The following ATP6V1H variants were observed in gnomAD, a reference collection of about 807,000 sequenced individuals.
ATP6V1H encodes V-type proton ATPase subunit H.
ATP6V1H carries 39 observed loss-of-function variants against 71.7 expected under a neutral mutation model. The ratio of observed to expected loss-of-function variants is 0.54; its 90% CI spans 0.42 to 0.71. The LOEUF (loss-of-function observed/expected upper bound fraction) is 0.71, where lower values mean the gene tolerates loss of function less well. Among genes scored for constraint, ATP6V1H ranks in the 30% least tolerant of loss-of-function variants. ATP6V1H has a pLI of 0.00. For synonymous variants in ATP6V1H, 192 were observed against 199.3 expected (o/e 0.96, Z 0.31); for missense variants, 509 against 594.9 (o/e 0.86, Z 1.50).
At chr8:53,728,343 T>C (rs1806889859) in intron 13 of ATP6V1H, among the ~76,000 whole-genome samples, 1 of 152,140 alleles carries the variant, frequency 6.6e-6, no homozygotes, top group African/African-American at 2.4e-5. Flanking sequence ...GACTCAGCTG[T>C]GCTGAGTGTG....
At chr8:53,770,700 T>C (rs1808623590) in intron 10 of ATP6V1H, among the ~76,000 whole-genome samples, 1 of 152,204 alleles carries the variant, frequency 6.6e-6, no homozygotes, top group South Asian at 2.1e-4. Flanking sequence ...AAATAGTATT[T>C]TTCAAATTAC....
chr8:53,733,497 C>T (rs1032053394), intron 13 of ATP6V1H, among the ~76,000 whole-genome samples: 1 of 152,238 alleles, frequency 6.6e-6, no homozygotes, highest in Non-Finnish European at 1.5e-5. Context: ...AACAGATGGC[C>T]TGCTCCGGCA....
rs200288766 is a variant in ATP6V1H, at chr8:53,763,600, C to A, written c.1175+6018G>T. On this transcript the variant is annotated intron_variant, in intron 11 of 13. Transcript: ENST00000359530. Reference sequence around the variant, plus strand: ...AAATTCATATAAAATGTTAAGGGACCCAGATAGCCAAAATCATCTTGGAAA... The same window carrying A: ...AAATTCATATAAAATGTTAAGGGACACAGATAGCCAAAATCATCTTGGAAA... Among the ~76,000 whole-genome samples, 13 of 152,126 alleles carry A rather than the reference C, an allele frequency of 8.5e-5. No individual in the cohort carries two copies. In the East Asian group the frequency reaches 2.3e-3, roughly 27 times the overall value.
In ATP6V1H at chr8:53,794,385, A is replaced by C. The variant is rs572451287; in HGVS notation, c.870+1262T>G. On this transcript the variant is annotated intron_variant, in intron 9 of 13. Coordinates refer to ENST00000359530, the MANE Select transcript of ATP6V1H (RefSeq NM_015941.4). ...TTTTCATTTTACTTTATTTTTTTTG[A>C]TATGGAGTCTCACTCTGTCGCCCAG... Among the ~76,000 whole-genome samples the C allele has an allele frequency of 1.9e-3, 288 of 152,054 alleles. 1 individual carries two copies. Among genetic ancestry groups the C allele is most frequent in the Middle Eastern group, 3.4e-3 (1 of 294 alleles).
rs574149619 is a variant in ATP6V1H at position 53,772,941 on chromosome 8, C to T, written c.871-774G>A. ...AAAAAAACAAAACAGTAACAATTAA[C>T]TCCAATTGTAAAAAAACTTGAATTT... On this transcript the variant is annotated intron_variant, in intron 9 of 13. Transcript: ENST00000359530. 6.9e-5 allele frequency among the ~76,000 whole-genome samples: 9 copies of T among 129,988 alleles called. No homozygotes were observed. The East Asian group carries it at 1.7e-3, about 25-fold the overall frequency. The allele number at this position is 129,988 out of a possible 152,430, so 85.3% of individuals were successfully genotyped here. A position where few individuals can be genotyped will look rare whatever the true frequency, so the allele number is the denominator to read the frequency against.
At chr8:53,840,532 A>G (rs1241718139) in intron 2 of ATP6V1H, among the ~76,000 whole-genome samples, 2 of 152,042 alleles carry the variant, frequency 1.3e-5, no homozygotes, top group East Asian at 3.9e-4. Context: ...AAAATGATCT[A>G]TTAATACATC....
At chr8:53,797,666 C>T (rs1413670729) in intron 8 of ATP6V1H, among the ~76,000 whole-genome samples, 2 of 152,046 alleles carry the variant, frequency 1.3e-5, no homozygotes, top group African/African-American at 4.8e-5. Context: ...CACTCACTAC[C>T]TTTCTGACAC....
intron 9 of ATP6V1H, among the ~76,000 whole-genome samples, chr8:53,773,211 A>G (rs1027822559): frequency 6.6e-6 from 1 of 152,246 alleles, no homozygotes; most frequent in Non-Finnish European, 1.5e-5. Context: ...CTCAGTGCTT[A>G]CATCTATAGA....
At chr8:53,736,870 C>G (rs560585035) in intron 13 of ATP6V1H, among the ~76,000 whole-genome samples, 88 of 152,336 alleles carry the variant, frequency 5.8e-4, no homozygotes, top group African/African-American at 2.0e-3. Flanking sequence ...AATAGTCAGA[C>G]AGCCCAGCGC....
intron 1 of ATP6V1H, chr8:53,842,458 A>C (rs1811374334): frequency 6.6e-6 from 1 of 152,268 alleles, no homozygotes; most frequent in African/African-American, 2.4e-5. Context: ...TGCCACTTGC[A>C]AAACATAAAT....
At position 53,777,750 on chromosome 8, in the gene ATP6V1H, T is replaced by C. The variant is rs568598539; in HGVS notation, c.871-5583A>G. ...CCATAAACAAATGAGCAAAGCAGTG[T>C]TCCAATAAAGCTTTATTGATTAAAA... On this transcript the variant is annotated intron_variant, in intron 9 of 13. Coordinates refer to ENST00000359530, the MANE Select transcript of ATP6V1H (RefSeq NM_015941.4). Among the ~76,000 whole-genome samples, 4 of 152,318 alleles carry C rather than the reference T, an allele frequency of 2.6e-5. No individual in the cohort carries two copies. In the South Asian group the frequency reaches 8.3e-4, roughly 32 times the overall value.
In ATP6V1H at chr8:53,801,905, G is replaced by A. The variant is rs1254535653; in HGVS notation, c.580-9C>T. The A allele has an allele frequency of 6.2e-7, 1 of 1,610,040 alleles. No individual in the cohort carries two copies. The highest frequency in any genetic ancestry group is 1.1e-5 in the South Asian group (1 of 90,030). On this transcript the variant is annotated splice_polypyrimidine_tract_variant and intron_variant, in intron 7 of 13. Transcript: ENST00000359530. ...TGCACATACTGCGAACTCTGCACAA[G>A]AAGAAGTGTTGAGTTTTTAAATGGG...
chr8:53,833,283 G>C (rs1202538529), intron 2 of ATP6V1H, 197 bp from the exon 3 acceptor site: 1 of 521,128 alleles, frequency 1.9e-6, no homozygotes, highest in East Asian at 3.2e-5. Flanking sequence ...TGGAACCTGA[G>C]TTAATTTATC....
chr8:53,801,735 T>TCC, intron 8 of ATP6V1H, 64 bp downstream of exon 8: 1 of 1,313,212 alleles, frequency 7.6e-7, no homozygotes, highest in Non-Finnish European at 1.1e-6. Context: ...TACATATTTC[T>TCC]TTGAAAATGT....
intron 13 of ATP6V1H, among the ~76,000 whole-genome samples, chr8:53,730,547 ATAT>A (rs1806981822): frequency 6.6e-6 from 1 of 152,176 alleles, no homozygotes; most frequent in Admixed American, 6.5e-5. Flanking sequence ...TACGCACTAT[ATAT>A]TGCATCAATG....
rs558959119 is a variant in ATP6V1H at position 53,781,534 on chromosome 8, C to A, written c.871-9367G>T. 3.8e-4 allele frequency among the ~76,000 whole-genome samples: 58 copies of A among 152,256 alleles called. 1 individual carries two copies. The highest frequency in any genetic ancestry group is 3.7e-3 in the Admixed American group (57 of 15,306). On this transcript the variant is annotated intron_variant, in intron 9 of 13. Coordinates refer to ENST00000359530, the MANE Select transcript of ATP6V1H (RefSeq NM_015941.4). ...TGGTTTCTTTTGCTGTGCAGAAGTT[C>A]TTTAGTTTAATTAGACACCATTTGT...
chr8:53,789,801 A>G (rs562358774), intron 9 of ATP6V1H, among the ~76,000 whole-genome samples: 1 of 152,338 alleles, frequency 6.6e-6, no homozygotes, highest in African/African-American at 2.4e-5. Context: ...AAAAATATAT[A>G]ACATACAGAA....
chr8:53,722,804 T>A (rs1806671253), intron 13 of ATP6V1H, among the ~76,000 whole-genome samples: 1 of 152,210 alleles, frequency 6.6e-6, no homozygotes, highest in African/African-American at 2.4e-5. Flanking sequence ...AACTACTCCA[T>A]AATCTAACTG....
At chr8:53,829,587 A>T in intron 3 of ATP6V1H, 54 bp from the exon 4 acceptor site, 1 of 1,107,882 alleles carries the variant, frequency 9.0e-7, no homozygotes, top group Non-Finnish European at 1.3e-6. Flanking sequence ...ACACATTTCA[A>T]TGGAACTTCA....
Sources: gnomAD v4.1 joint callset for allele counts (sites outside exome capture counted in the v4.1 genomes callset) on GRCh38, gnomAD v4.1.1 for gene constraint, MANE v1.5 for transcripts, NCBI Gene and HGNC (gene_info 2026-07-23, HGNC 2026-07-21) for gene names.